UXS1: variants seen among roughly 807,000 people sequenced by gnomAD.
UXS1 encodes the protein UDP-glucuronic acid decarboxylase 1.
A neutral mutation model predicts 62.6 loss-of-function variants in UXS1; 33 were observed. The ratio of observed to expected loss-of-function variants is 0.53; its 90% CI spans 0.40 to 0.70. UXS1 has a LOEUF of 0.70. Ranked by LOEUF, UXS1 falls within the 30% of genes least tolerant of loss-of-function variation. The pLI, the probability that UXS1 is intolerant of heterozygous loss-of-function variation, is 0.00. For synonymous variants in UXS1, 213 were observed against 206.8 expected (o/e 1.03, Z -0.26); for missense variants, 434 against 556.3 (o/e 0.78, Z 2.21).
At position 106,123,108 on chromosome 2, in the gene UXS1, G is replaced by C. The variant is rs558700579; in HGVS notation, c.638-17C>G. On this transcript the variant is annotated splice_polypyrimidine_tract_variant and intron_variant, in intron 8 of 14. Coordinates refer to ENST00000283148, the MANE Select transcript of UXS1 (RefSeq NM_001253875.2). ...CTTCAGGATCTACGATGGGAGAAAA[G>C]TGAGACTGTTTTCATCTTTCCTTTT... 1.0e-4 allele frequency: 164 copies of C among 1,613,300 alleles called. 1 individual carries two copies. In the Middle Eastern group the frequency reaches 1.5e-3, roughly 15 times the overall value.
At chr2:106,167,953 A>C (rs772565859) in intron 1 of UXS1, among the ~76,000 whole-genome samples, 1 of 152,136 alleles carries the variant, frequency 6.6e-6, no homozygotes, top group Non-Finnish European at 1.5e-5. Flanking sequence ...CCTGAGGTCA[A>C]GAGTTCAAGA....
At chr2:106,144,419 A>G (rs1362242750) in intron 6 of UXS1, among the ~76,000 whole-genome samples, 2 of 152,226 alleles carry the variant, frequency 1.3e-5, no homozygotes, top group Non-Finnish European at 2.9e-5. Flanking sequence ...AGATGAAACT[A>G]TGTTATAAAA....
intron 1 of UXS1, among the ~76,000 whole-genome samples, chr2:106,181,797 G>A (rs886311138): frequency 1.3e-5 from 2 of 152,162 alleles, no homozygotes; most frequent in Admixed American, 6.5e-5. Context: ...ACGACTTTTA[G>A]GAGGAACTAC....
intron 7 of UXS1, among the ~76,000 whole-genome samples, chr2:106,126,723 G>A (rs1004314955): frequency 3.3e-5 from 5 of 152,122 alleles, no homozygotes; most frequent in African/African-American, 4.8e-5. Context: ...GGGACCTTAT[G>A]TATCTTTTAC....
intron 14 of UXS1, among the ~76,000 whole-genome samples, chr2:106,095,184 T>C (rs1676978665): frequency 1.3e-5 from 2 of 151,898 alleles, no homozygotes; most frequent in Admixed American, 1.3e-4. Context: ...AGTTAATACA[T>C]AGTGAATGTA....
chr2:106,164,791 A>T lies in UXS1; in HGVS notation c.131T>A (p.Leu44His). The T allele has an allele frequency of 6.3e-7, 1 of 1,588,068 alleles. No individual in the cohort carries two copies. Among genetic ancestry groups the T allele is most frequent in the Non-Finnish European group, 8.6e-7 (1 of 1,167,068 alleles). Reference protein sequence around the residue: ...WGNFVNMSFLLNRSIQENGEL... With the variant: ...WGNFVNMSFLHNRSIQENGEL... ...ACCATTTTCCTGGATAGACCTGTTG[A>T]GTAGAAAGCTATAAAACTGAGATCA... is the stretch of plus-strand genomic sequence containing the variant. The change falls in exon 3 of 15, where the codon CTC becomes CAC. Residue 44 changes from leucine to histidine, a missense_variant. Around this residue, in one of 3 missense-constraint regions of UXS1, gnomAD observed 91 missense variants for 71.1 expected, o/e 1.28. Coordinates refer to ENST00000283148, the MANE Select transcript of UXS1 (RefSeq NM_001253875.2).
At chr2:106,112,554 T>C in intron 10 of UXS1, 92 bp downstream of exon 10, 2 of 1,528,222 alleles carry the variant, frequency 1.3e-6, no homozygotes, top group South Asian at 2.5e-5. Context: ...GAAGTGTCAC[T>C]CCCTGAACCA....
intron 5 of UXS1, among the ~76,000 whole-genome samples, chr2:106,151,594 T>C (rs1682021372): frequency 6.6e-6 from 1 of 152,176 alleles, no homozygotes; most frequent in Non-Finnish European, 1.5e-5. Flanking sequence ...TACTTATAAA[T>C]TACCCAGTCT....
chr2:106,192,370 T>C (rs1050908745), intron 1 of UXS1, among the ~76,000 whole-genome samples: 1 of 152,064 alleles, frequency 6.6e-6, no homozygotes, highest in East Asian at 1.9e-4. Flanking sequence ...CTGGCTAACA[T>C]GGTGAAACCC....
chr2:106,104,893 G>T, intron 10 of UXS1, 56 bp from the exon 11 acceptor site: 1 of 1,610,346 alleles, frequency 6.2e-7, no homozygotes, highest in Non-Finnish European at 8.5e-7. Flanking sequence ...TCCTGCGTAG[G>T]TGTCCTTGAA....
chr2:106,100,390 A>C (rs563380546), intron 12 of UXS1, among the ~76,000 whole-genome samples: 16 of 152,340 alleles, frequency 1.1e-4, no homozygotes, highest in Non-Finnish European at 1.9e-4. Flanking sequence ...CTGTAGAGGC[A>C]TCACACTAGC....
At chr2:106,140,699 A>G (rs1225298705) in intron 6 of UXS1, among the ~76,000 whole-genome samples, 1 of 152,306 alleles carries the variant, frequency 6.6e-6, no homozygotes, top group East Asian at 1.9e-4. Context: ...GTATTGACAT[A>G]ATTAAACTTG....
intron 5 of UXS1, among the ~76,000 whole-genome samples, chr2:106,151,622 C>A (rs938297002): frequency 6.6e-6 from 1 of 152,082 alleles, no homozygotes; most frequent in East Asian, 1.9e-4. Flanking sequence ...TCTGTTACAG[C>A]GGCACAAAAC....
At chr2:106,125,546 T>C in intron 8 of UXS1, 74 bp downstream of exon 8, 1 of 1,392,556 alleles carries the variant, frequency 7.2e-7, no homozygotes, top group Non-Finnish European at 9.5e-7. Context: ...AAAAGAACAC[T>C]GGACTCTTCT....
chr2:106,194,297 A>T lies in UXS1; in HGVS notation c.-56T>A. On this transcript the variant is annotated 5_prime_UTR_variant, in exon 1 of 15. Transcript: ENST00000283148. Reference sequence around the variant, plus strand: ...CCGCGCGGGGGCCCGCCTGCTGCACAATGCGCGGCGGCGGCGGCGGCAGCG... The same window carrying T: ...CCGCGCGGGGGCCCGCCTGCTGCACTATGCGCGGCGGCGGCGGCGGCAGCG... 5 of 1,043,442 alleles carry T rather than the reference A, an allele frequency of 4.8e-6. No homozygotes were observed. The highest frequency in any genetic ancestry group is 4.3e-5 in the South Asian group (1 of 23,354). 64.6% of individuals were successfully genotyped at this position (1,043,442 alleles called of 1,614,324 possible). A position where few individuals can be genotyped will look rare whatever the true frequency, so the allele number is the denominator to read the frequency against.
At chr2:106,150,825 G>A (rs557475229) in intron 5 of UXS1, among the ~76,000 whole-genome samples, 11 of 152,322 alleles carry the variant, frequency 7.2e-5, no homozygotes, top group Middle Eastern at 3.4e-3. Flanking sequence ...ACTCCAACTC[G>A]CGAGAGCAGC....
At chr2:106,178,283 T>C (rs150804189) in intron 1 of UXS1, among the ~76,000 whole-genome samples, 115 of 152,332 alleles carry the variant, frequency 7.5e-4, no homozygotes, top group Admixed American at 2.4e-3. Context: ...TTTGTCCTTT[T>C]CCTGTTCAAG....
At chr2:106,169,013 G>A (rs992120800) in intron 1 of UXS1, among the ~76,000 whole-genome samples, 1 of 152,170 alleles carries the variant, frequency 6.6e-6, no homozygotes, top group African/African-American at 2.4e-5. Flanking sequence ...TAAAAAAGGA[G>A]GGAAGAGATT....
chr2:106,099,163 G>A (rs896617033), intron 12 of UXS1, among the ~76,000 whole-genome samples: 8 of 152,206 alleles, frequency 5.3e-5, no homozygotes, highest in African/African-American at 1.9e-4. Flanking sequence ...TGGGTGAGCT[G>A]TGTTAACCAT....
Sources: allele counts gnomAD v4.1 joint callset (sites outside exome capture counted in the v4.1 genomes callset), GRCh38; gene constraint gnomAD v4.1.1; regional missense constraint gnomAD v4.1.1; transcripts MANE v1.5; gene names NCBI Gene and HGNC (gene_info 2026-07-23, HGNC 2026-07-21).